Variants in NDST4 observed in about 807,000 individuals in gnomAD.
The protein encoded by NDST4 is N-deacetylase and N-sulfotransferase 4.
NDST4 carries 63 observed loss-of-function variants against 100.8 expected under a neutral mutation model. That is an observed-to-expected ratio of 0.62 (90% confidence interval 0.51 to 0.77). The LOEUF (loss-of-function observed/expected upper bound fraction) is 0.77, where lower values mean the gene tolerates loss of function less well. NDST4 is among the 30% of genes least tolerant of loss of function. The pLI, the probability that NDST4 is intolerant of heterozygous loss-of-function variation, is 0.00. For missense variants in NDST4, 943 were observed against 1,018.4 expected (o/e 0.93, Z 1.01); for synonymous variants, 377 against 361.8 (o/e 1.04, Z -0.48).
At position 115,076,363 on chromosome 4, in the gene NDST4, T is replaced by C. The variant is rs774731806; in HGVS notation, c.674A>G (p.Tyr225Cys). The C allele has an allele frequency of 6.2e-7, 1 of 1,614,016 alleles. No homozygotes were observed. Among genetic ancestry groups the C allele is most frequent in the South Asian group, 1.1e-5 (1 of 91,084 alleles). ...TACAGGCTGGTAGGTTGAATGATTATATTGGAAAATAGTCCAGTCTTCCCC... is the reference window on the plus strand; with the variant it reads ...TACAGGCTGGTAGGTTGAATGATTACATTGGAAAATAGTCCAGTCTTCCCC... ...LPGEDWTIFQ[Y>C]NHSTYQPVLL... Residue 225 changes from tyrosine (Y) to cysteine (C), a missense_variant, in exon 2 of 14, where the codon TAT becomes TGT. Coordinates refer to ENST00000264363, the MANE Select transcript of NDST4 (RefSeq NM_022569.3).
chr4:114,960,923 T>C (rs1726248727), intron 4 of NDST4, among the ~76,000 whole-genome samples: 1 of 152,096 alleles, frequency 6.6e-6, no homozygotes, highest in Non-Finnish European at 1.5e-5. Context: ...TTATATAAAG[T>C]ATAAACTATA....
intron 4 of NDST4, among the ~76,000 whole-genome samples, chr4:114,966,906 T>C (rs1023989630): frequency 1.3e-5 from 2 of 152,078 alleles, no homozygotes; most frequent in African/African-American, 2.4e-5. Context: ...GTTTAGAGAA[T>C]GAAAGAGCAA....
chr4:114,867,665 C>CAAAAAAAAAAAAAAAAAAAAATA, intron 7 of NDST4, among the ~76,000 whole-genome samples: 1 of 79,900 alleles, frequency 1.3e-5, no homozygotes, highest in Non-Finnish European at 2.3e-5. Context: ...AAAAAAAAAG[C>CAAAAAAAAAAAAAAAAAAAAATA]AAAAAAAAAA....
chr4:115,022,256 A>T (rs1440518809), intron 2 of NDST4, among the ~76,000 whole-genome samples: 1 of 150,520 alleles, frequency 6.6e-6, no homozygotes, highest in East Asian at 2.0e-4. Flanking sequence ...TGCACGTTCC[A>T]TATATATAAG....
intron 1 of NDST4, among the ~76,000 whole-genome samples, chr4:115,091,689 T>C (rs1269256220): frequency 2.0e-5 from 3 of 152,168 alleles, no homozygotes; most frequent in Non-Finnish European, 2.9e-5. Flanking sequence ...CATGTTCATA[T>C]GCAGTTGTTT....
At chr4:115,088,461 C>G (rs1729450753) in intron 1 of NDST4, among the ~76,000 whole-genome samples, 1 of 151,924 alleles carries the variant, frequency 6.6e-6, no homozygotes, top group South Asian at 2.1e-4. Context: ...TAAACACCTT[C>G]TAAATGTTTC....
chr4:115,105,885 T>A (rs1729823764), intron 1 of NDST4, among the ~76,000 whole-genome samples: 1 of 152,170 alleles, frequency 6.6e-6, no homozygotes, highest in African/African-American at 2.4e-5. Flanking sequence ...TACTGCTCCC[T>A]TTTAGCTTTT....
At chr4:114,831,219 A>T (rs912512067) in intron 12 of NDST4, among the ~76,000 whole-genome samples, 2 of 147,988 alleles carry the variant, frequency 1.4e-5, no homozygotes, top group Non-Finnish European at 3.0e-5. Context: ...CGCCCGGCTA[A>T]TTTTTTGTAT....
intron 6 of NDST4, among the ~76,000 whole-genome samples, chr4:114,881,406 A>G (rs75840165): frequency 0.015 from 2,344 of 152,228 alleles, 66 homozygotes; most frequent in African/African-American, 0.054. Flanking sequence ...GGCTTAGGTG[A>G]CTGGATAGAT....
intron 6 of NDST4, among the ~76,000 whole-genome samples, chr4:114,876,610 T>C (rs1324849126): frequency 1.3e-5 from 2 of 152,266 alleles, no homozygotes; most frequent in Non-Finnish European, 2.9e-5. Flanking sequence ...CCTGGACAAC[T>C]AATAACCTGG....
At chr4:115,086,585 A>G (rs923107911) in intron 1 of NDST4, among the ~76,000 whole-genome samples, 4 of 152,090 alleles carry the variant, frequency 2.6e-5, no homozygotes, top group African/African-American at 9.7e-5. Context: ...TTGTAACATA[A>G]TATTATACTA....
chr4:115,000,646 A>G (rs1276142752), intron 2 of NDST4, among the ~76,000 whole-genome samples: 3 of 152,146 alleles, frequency 2.0e-5, no homozygotes, highest in Admixed American at 2.0e-4. Flanking sequence ...ACTAATTACT[A>G]CGCAAAATTT....
intron 2 of NDST4, among the ~76,000 whole-genome samples, chr4:115,057,998 TA>T (rs1402361480): frequency 1.3e-5 from 2 of 152,160 alleles, no homozygotes; most frequent in Non-Finnish European, 2.9e-5. Context: ...ATATATGTTT[TA>T]AAATCATGAA....
intron 12 of NDST4, among the ~76,000 whole-genome samples, chr4:114,833,129 C>T (rs896600852): frequency 6.6e-6 from 1 of 152,092 alleles, no homozygotes; most frequent in Non-Finnish European, 1.5e-5. Flanking sequence ...TGTCATGCAA[C>T]AATAAATAGC....
intron 2 of NDST4, among the ~76,000 whole-genome samples, chr4:115,024,752 T>C (rs1727943699): frequency 6.6e-6 from 1 of 151,300 alleles, no homozygotes; most frequent in African/African-American, 2.5e-5. Context: ...GTGAGAATGA[T>C]GAGTTTTGAG....
At chr4:114,967,277 T>C (rs1206511349) in intron 4 of NDST4, among the ~76,000 whole-genome samples, 1 of 152,116 alleles carries the variant, frequency 6.6e-6, no homozygotes. Context: ...TGATATATGT[T>C]TAATGGACTT....
chr4:114,920,519 T>C (rs1347974941), intron 6 of NDST4, among the ~76,000 whole-genome samples: 5 of 152,222 alleles, frequency 3.3e-5, no homozygotes, highest in Non-Finnish European at 5.9e-5. Context: ...ATACTTTGAA[T>C]GGCATTATTG....
chr4:115,074,890 T>C (rs2126289075), intron 2 of NDST4, among the ~76,000 whole-genome samples: 1 of 152,290 alleles, frequency 6.6e-6, no homozygotes, highest in South Asian at 2.1e-4. Flanking sequence ...ATTTTTTATG[T>C]GTTTGCTAAA....
chr4:114,871,034 C>T (rs529761863), intron 6 of NDST4, 84 bp from the exon 7 acceptor site: 2 of 903,748 alleles, frequency 2.2e-6, no homozygotes, highest in African/African-American at 1.7e-5. Flanking sequence ...AGCACCTCAC[C>T]TCACCTTGGA....
Sources: allele counts gnomAD v4.1 joint callset (sites outside exome capture counted in the v4.1 genomes callset), GRCh38; gene constraint gnomAD v4.1.1; transcripts MANE v1.5; gene names NCBI Gene and HGNC (gene_info 2026-07-23, HGNC 2026-07-21).